Variants in PRR16 observed in about 807,000 individuals in gnomAD.
PRR16 encodes proline rich 16, also known as protein Largen.
In PRR16, 6 loss-of-function variants were observed where a neutral mutation model predicts 18.2. That is an observed-to-expected ratio of 0.33 (90% CI 0.18 to 0.65). The LOEUF (loss-of-function observed/expected upper bound fraction) is 0.65, where lower values mean the gene tolerates loss of function less well. PRR16 is among the 30% of genes least tolerant of loss of function. The pLI, the probability that PRR16 is intolerant of heterozygous loss-of-function variation, is 0.74. For missense variants in PRR16, 412 were observed against 376.6 expected, an observed-to-expected ratio of 1.09 and a Z score of -0.78; for synonymous variants, 151 against 147.8, an observed-to-expected ratio of 1.02 and a Z score of -0.16.
chr5:120,783,943 C>T, the PRR16 span, among the ~76,000 whole-genome samples: 1 of 152,096 alleles, frequency 6.6e-6, no homozygotes, highest in Non-Finnish European at 1.5e-5. Flanking sequence ...TAAGCTCCCA[C>T]CTATGAACGA....
intron 1 of PRR16, among the ~76,000 whole-genome samples, chr5:120,469,427 G>A (rs1194860501): frequency 6.6e-6 from 1 of 152,086 alleles, no homozygotes; most frequent in Non-Finnish European, 1.5e-5. Context: ...GGTTGAAGGA[G>A]TCTTACCACC....
intron 1 of PRR16, among the ~76,000 whole-genome samples, chr5:120,479,382 A>T (rs1279183408): frequency 6.6e-6 from 1 of 152,176 alleles, no homozygotes; most frequent in African/African-American, 2.4e-5. Flanking sequence ...ACTGAAGTCC[A>T]GGTTTTAGTT....
chr5:120,755,379 C>G, the PRR16 span, among the ~76,000 whole-genome samples: 1 of 151,980 alleles, frequency 6.6e-6, no homozygotes, highest in Non-Finnish European at 1.5e-5. Flanking sequence ...CAACCCTTAT[C>G]TTTTTCATTC....
the PRR16 span, among the ~76,000 whole-genome samples, chr5:120,692,555 G>C: frequency 6.6e-6 from 1 of 152,200 alleles, no homozygotes; most frequent in Admixed American, 6.5e-5. Context: ...ACATGGTCTT[G>C]TTTGTAGTCC....
At chr5:120,591,227 C>T (rs1009120175) in intron 1 of PRR16, among the ~76,000 whole-genome samples, 13 of 151,724 alleles carry the variant, frequency 8.6e-5, no homozygotes, top group East Asian at 3.9e-4. Context: ...TGCAGTGAGC[C>T]GAGATCGTGC....
At chr5:120,742,486 T>A in the PRR16 span, among the ~76,000 whole-genome samples, 2 of 151,168 alleles carry the variant, frequency 1.3e-5, no homozygotes, top group African/African-American at 4.9e-5. Context: ...CTGAATTTTT[T>A]AATTTTAAAT....
At chr5:120,764,508 G>C in the PRR16 span, among the ~76,000 whole-genome samples, 1 of 151,922 alleles carries the variant, frequency 6.6e-6, no homozygotes, top group African/African-American at 2.4e-5. Flanking sequence ...ATATAGGCCT[G>C]TAGTTTTATC....
intron 1 of PRR16, among the ~76,000 whole-genome samples, chr5:120,559,720 G>A (rs9885295): frequency 0.2 from 29,754 of 151,674 alleles, 3,161 homozygotes; most frequent in Non-Finnish European, 0.21. Flanking sequence ...AGGAATTGGC[G>A]TTGAATCTGT....
intron 1 of PRR16, among the ~76,000 whole-genome samples, chr5:120,650,911 C>G (rs1321766402): frequency 6.6e-6 from 1 of 152,056 alleles, no homozygotes; most frequent in Non-Finnish European, 1.5e-5. Flanking sequence ...ACACTGACTT[C>G]CACAATGGTT....
intron 1 of PRR16, among the ~76,000 whole-genome samples, chr5:120,601,973 A>G (rs1166467593): frequency 1.3e-5 from 2 of 152,044 alleles, no homozygotes; most frequent in African/African-American, 4.8e-5. Flanking sequence ...GTAGCCTTGT[A>G]ATATAGTTCA....
intron 1 of PRR16, among the ~76,000 whole-genome samples, chr5:120,634,983 A>G (rs1755179848): frequency 6.6e-6 from 1 of 152,180 alleles, no homozygotes; most frequent in Admixed American, 6.5e-5. Flanking sequence ...GGCTACTATG[A>G]ACATCTTTAC....
intron 1 of PRR16, among the ~76,000 whole-genome samples, chr5:120,551,760 A>T (rs1377953273): frequency 6.6e-6 from 1 of 151,948 alleles, no homozygotes; most frequent in Non-Finnish European, 1.5e-5. Flanking sequence ...GGTGTGGAGA[A>T]AGACCTCGGT....
intron 1 of PRR16, among the ~76,000 whole-genome samples, chr5:120,518,761 T>G (rs1025922735): frequency 2.0e-5 from 3 of 152,104 alleles, no homozygotes; most frequent in Non-Finnish European, 4.4e-5. Context: ...ATTGCTACAC[T>G]TTGTTCTCAA....
At chr5:120,562,431 C>T (rs1451431908) in intron 1 of PRR16, among the ~76,000 whole-genome samples, 2 of 151,992 alleles carry the variant, frequency 1.3e-5, no homozygotes, top group East Asian at 3.9e-4. Flanking sequence ...TATATACATA[C>T]AGTCACTCTG....
chr5:120,700,090 A>G, the PRR16 span, among the ~76,000 whole-genome samples: 1 of 152,124 alleles, frequency 6.6e-6, no homozygotes, highest in Non-Finnish European at 1.5e-5. Flanking sequence ...GAACAGAATA[A>G]TGGGTTGTAG....
At chr5:120,770,017 G>A in the PRR16 span, among the ~76,000 whole-genome samples, 1 of 151,888 alleles carries the variant, frequency 6.6e-6, no homozygotes, top group Admixed American at 6.6e-5. Context: ...TGAAAAAAAT[G>A]TCTCTTCAAG....
chr5:120,628,967 A>G (rs1366539872), intron 1 of PRR16, among the ~76,000 whole-genome samples: 3 of 151,998 alleles, frequency 2.0e-5, no homozygotes, highest in South Asian at 4.1e-4. Flanking sequence ...TGGGGTATAG[A>G]TTATTTTATA....
chr5:120,634,782 T>C (rs942284640), intron 1 of PRR16, among the ~76,000 whole-genome samples: 5 of 151,854 alleles, frequency 3.3e-5, no homozygotes, highest in Non-Finnish European at 5.9e-5. Context: ...CTAAATGAAA[T>C]TGAAGCAACA....
chr5:120,604,975 T>C (rs544281026), intron 1 of PRR16, among the ~76,000 whole-genome samples: 1 of 152,300 alleles, frequency 6.6e-6, no homozygotes, highest in South Asian at 2.1e-4. Context: ...TTTTTGTTGT[T>C]GTTGTTCACA....
Sources: allele counts gnomAD v4.1 joint callset (sites outside exome capture counted in the v4.1 genomes callset), GRCh38; gene constraint gnomAD v4.1.1; transcripts MANE v1.5; gene names NCBI Gene and HGNC (gene_info 2026-07-23, HGNC 2026-07-21).